The following RANBP1 variants were observed in gnomAD, a reference collection of about 807,000 sequenced individuals.
RANBP1 encodes the protein RAN binding protein 1, also known as ran-specific GTPase-activating protein.
RANBP1 carries 16 observed loss-of-function variants against 31.4 expected under a neutral mutation model. The ratio of observed to expected loss-of-function variants is 0.51; its 90% confidence interval spans 0.34 to 0.77. The LOEUF (loss-of-function observed/expected upper bound fraction) is 0.77. Among genes scored for constraint, RANBP1 ranks in the 30% least tolerant of loss-of-function variants. The probability of loss-of-function intolerance (pLI) is 0.01; values close to 1 mark genes in which losing one functional copy is unlikely to be tolerated. For synonymous variants in RANBP1, 129 were observed against 140.5 expected, an observed-to-expected ratio of 0.92 and a Z score of 0.58; for missense variants, 265 against 362.0, an observed-to-expected ratio of 0.73 and a Z score of 2.17.
intron 1 of RANBP1, chr22:20,117,215 G>T: frequency 3.7e-6 from 2 of 545,374 alleles, no homozygotes; most frequent in Non-Finnish European, 6.0e-6. Flanking sequence ...GGCGGAGGCC[G>T]AGCGTCTCTA....
intron 2 of RANBP1, among the ~76,000 whole-genome samples, chr22:20,120,835 G>A (rs1487612254): frequency 2.0e-5 from 3 of 152,064 alleles, no homozygotes; most frequent in Non-Finnish European, 4.4e-5. Flanking sequence ...GGTTGTGGAA[G>A]TGGAATTCAA....
chr22:20,120,977 G>A (rs9606256), intron 2 of RANBP1, among the ~76,000 whole-genome samples: 22,090 of 152,186 alleles, frequency 0.15, 1,847 homozygotes, highest in Non-Finnish European at 0.19. Flanking sequence ...ACCATGGGAC[G>A]GAGTCTTGCT....
intron 5 of RANBP1, chr22:20,126,585 G>T (rs1261672226): frequency 1.3e-6 from 2 of 1,541,606 alleles, no homozygotes; most frequent in Non-Finnish European, 8.8e-7. Context: ...AATTGGGCAG[G>T]CATTGGAGTC....
rs2050272352 is a variant in RANBP1 at position 20,125,340 on chromosome 22, G to A, written c.574G>A (p.Gly192Ser). Residue 192 changes from glycine to serine, a missense_variant, in exon 4 of 6, where the codon GGT (glycine) becomes AGT (serine). By Grantham distance (56) the Gly-to-Ser change is moderately conservative. This residue lies in a region of RANBP1 where 90 missense variants were observed against 190.5 expected (regional missense o/e 0.47). Coordinates refer to ENST00000430524, the MANE Select transcript of RANBP1 (RefSeq NM_001278639.2). ...GATGATGGAGCTGAAGCCCAACGCA[G>A]GTAGCGACCGTGCCTGGGTCTGGAA... ...TPMMELKPNA[G>S]SDRAWVWNTH... 6.2e-7 allele frequency: 1 copy of A among 1,611,532 alleles called. No homozygotes were observed. The highest frequency in any genetic ancestry group is 1.7e-5 in the Admixed American group (1 of 59,992).
chr22:20,118,096 C>G (rs953374538), intron 1 of RANBP1: 1 of 999,838 alleles, frequency 1.0e-6, no homozygotes, highest in African/African-American at 1.7e-5. Flanking sequence ...CCACTGGCCT[C>G]TGTGGCAGAA....
chr22:20,117,003 G>A, intron 1 of RANBP1: 3 of 1,476,134 alleles, frequency 2.0e-6, no homozygotes, highest in South Asian at 1.2e-5. Flanking sequence ...TGTCACAAGG[G>A]AAGTGCTCAG....
intron 2 of RANBP1, among the ~76,000 whole-genome samples, chr22:20,119,843 G>A (rs2050137066): frequency 6.6e-6 from 1 of 152,154 alleles, no homozygotes; most frequent in Non-Finnish European, 1.5e-5. Context: ...TGATGCTTGC[G>A]ATAACACATG....
At chr22:20,117,800 C>T (rs1378622492) in intron 1 of RANBP1, 2 of 1,029,678 alleles carry the variant, frequency 1.9e-6, no homozygotes, top group Admixed American at 5.6e-5. Flanking sequence ...GCCTCGGTGG[C>T]GCGGAGTCGG....
At chr22:20,122,150 G>A (rs2050185416) in intron 2 of RANBP1, 114 bp from the exon 3 acceptor site, 3 of 1,182,804 alleles carry the variant, frequency 2.5e-6, no homozygotes, top group Admixed American at 2.2e-5. Context: ...AGAAGGGCTG[G>A]GGCGTTCGTG....
At chr22:20,117,051 G>A in intron 1 of RANBP1, 1 of 1,072,848 alleles carries the variant, frequency 9.3e-7, no homozygotes, top group Non-Finnish European at 1.3e-6. Flanking sequence ...ACGCCGCGAG[G>A]TCGCCGCCAC....
intron 3 of RANBP1, chr22:20,122,747 G>A: frequency 9.4e-7 from 1 of 1,058,584 alleles, no homozygotes. Flanking sequence ...GTGTGTGTGT[G>A]TGTGTGTGTG....
intron 1 of RANBP1, chr22:20,117,125 T>G (rs2050051541): frequency 1.5e-6 from 1 of 653,640 alleles, no homozygotes; most frequent in Non-Finnish European, 2.5e-6. Context: ...GGTCTCAGGC[T>G]TGGGGCTGTA....
Position 20,116,228 on chromosome 22 carries a change from G to A in RANBP1, c.44G>A (p.Arg15Gln), listed in dbSNP as rs147321971. The A allele has an allele frequency of 6.9e-5, 111 of 1,612,976 alleles. No homozygotes were observed. Among genetic ancestry groups the A allele is most frequent in the East Asian group, 3.8e-4 (17 of 44,886 alleles). Residue 15 changes from arginine to glutamine, a missense_variant, in exon 1 of 6, where the codon CGG (arginine) becomes CAG (glutamine). By Grantham distance (43) the Arg-to-Gln change is conservative. Around this residue, in one of 3 missense-constraint regions of RANBP1, gnomAD observed 126 missense variants for 123.6 expected, o/e 1.02. Coordinates refer to ENST00000430524, the MANE Select transcript of RANBP1 (RefSeq NM_001278639.2). ...LGRARRTLSG[R>Q]PFQRAPCKTR... ...CGGGCCAGGCGCACACTGAGTGGGC[G>A]GCCTTTCCAGAGGGCACCATGCAAA...
At chr22:20,118,903 T>A in intron 1 of RANBP1, 110 bp from the exon 2 acceptor site, 1 of 1,154,592 alleles carries the variant, frequency 8.7e-7, no homozygotes, top group East Asian at 2.4e-5. Flanking sequence ...CCCATCCTTG[T>A]ATCTGAAGTC....
chr22:20,117,336 C>T, intron 1 of RANBP1: 1 of 1,161,112 alleles, frequency 8.6e-7, no homozygotes, highest in Non-Finnish European at 1.1e-6. Flanking sequence ...CGGGTGTCGC[C>T]GGGAGTGCGC....
chr22:20,127,080 T>C lies in RANBP1; in HGVS notation c.*28T>C, dbSNP rs756622658. Reference sequence around the variant, plus strand: ...CGTCTTATTTTATTTTCTTTTCCTCTCTTTCCTTTCCTTTTTTTAAAAAAT... The same window carrying C: ...CGTCTTATTTTATTTTCTTTTCCTCCCTTTCCTTTCCTTTTTTTAAAAAAT... On this transcript the variant is annotated 3_prime_UTR_variant, in exon 6 of 6. Transcript: ENST00000430524. The C allele has an allele frequency of 1.3e-6, 2 of 1,565,100 alleles. No individual in the cohort carries two copies. The highest frequency in any genetic ancestry group is 1.2e-5 in the South Asian group (1 of 85,320).
intron 1 of RANBP1, chr22:20,117,432 G>A (rs1321835017): frequency 1.1e-5 from 13 of 1,193,118 alleles, no homozygotes; most frequent in East Asian, 7.9e-5. Flanking sequence ...GAGAGTGTCC[G>A]CCTCCTGAGC....
intron 1 of RANBP1, 187 bp downstream of exon 1, chr22:20,116,617 G>GT: frequency 6.5e-7 from 1 of 1,532,444 alleles, no homozygotes; most frequent in Admixed American, 2.1e-5. Context: ...CGGGCCCTGT[G>GT]TGGGGACAGA....
intron 1 of RANBP1, chr22:20,117,092 C>T: frequency 1.3e-6 from 1 of 752,014 alleles, no homozygotes; most frequent in Non-Finnish European, 2.1e-6. Flanking sequence ...GGGCGGGACT[C>T]GAACCTGCGA....
Sources: allele counts gnomAD v4.1 joint callset (sites outside exome capture counted in the v4.1 genomes callset), GRCh38; gene constraint gnomAD v4.1.1; regional missense constraint gnomAD v4.1.1; transcripts MANE v1.5; gene names NCBI Gene and HGNC (gene_info 2026-07-23, HGNC 2026-07-21).